Variants in LRRFIP2 observed in about 807,000 individuals in gnomAD.
LRRFIP2 encodes LRR binding FLII interacting protein 2, also known as leucine-rich repeat flightless-interacting protein 2.
A neutral mutation model predicts 125.9 loss-of-function variants in LRRFIP2; 109 were observed. That is an observed-to-expected ratio of 0.87 (90% CI 0.74 to 1.01). The LOEUF (loss-of-function observed/expected upper bound fraction) is 1.01, where lower values mean the gene tolerates loss of function less well. LRRFIP2 is among the 50% of genes least tolerant of loss of function. The probability of loss-of-function intolerance (pLI) is 0.00; values close to 1 mark genes in which losing one functional copy is unlikely to be tolerated. For synonymous variants in LRRFIP2, 291 were observed against 293.1 expected, an observed-to-expected ratio of 0.99 and a Z score of 0.07; for missense variants, 850 against 862.3, an observed-to-expected ratio of 0.99 and a Z score of 0.18.
chr3:37,059,671 C>G (rs1237257284), intron 24 of LRRFIP2, among the ~76,000 whole-genome samples: 1 of 151,798 alleles, frequency 6.6e-6, no homozygotes, highest in Admixed American at 6.6e-5. Context: ...CATGTAGTCC[C>G]AACTACTCCA....
rs139151890 is a variant in LRRFIP2 at position 37,058,876 on chromosome 3, C to T, written c.1784G>A (p.Arg595Gln). Residue 595 changes from arginine to glutamine, a missense_variant, in exon 25 of 28, where the codon CGA becomes CAA. Transcript: ENST00000336686. Reference protein sequence around the residue: ...RKLKLQLEEERQKCSRNDGTV... With the variant: ...RKLKLQLEEEQQKCSRNDGTV... The stretch of plus-strand genomic sequence containing the variant: ...GCCATCATTCCTGGAGCATTTCTGT[C>T]GTTCCTCCTCTAACTGAAGCTTCAG... The T allele has an allele frequency of 1.1e-4, 182 of 1,613,922 alleles. No homozygotes were observed. The highest frequency in any genetic ancestry group is 1.1e-3 in the East Asian group (50 of 44,864).
At chr3:37,093,418 A>G in intron 17 of LRRFIP2, among the ~76,000 whole-genome samples, 1 of 152,152 alleles carries the variant, frequency 6.6e-6, no homozygotes, top group Non-Finnish European at 1.5e-5. Flanking sequence ...GGTTCAACCC[A>G]ACCAAAGAAA....
intron 2 of LRRFIP2, among the ~76,000 whole-genome samples, chr3:37,144,646 C>G (rs1216243195): frequency 6.6e-6 from 1 of 152,092 alleles, no homozygotes; most frequent in Admixed American, 6.5e-5. Flanking sequence ...GAAGAAAATC[C>G]TCTAGCTTTA....
chr3:37,161,878 A>G (rs1489957748), intron 1 of LRRFIP2, among the ~76,000 whole-genome samples: 3 of 151,952 alleles, frequency 2.0e-5, no homozygotes, highest in Admixed American at 2.0e-4. Flanking sequence ...CTAACGTTCA[A>G]ATAACTGGAG....
chr3:37,141,027 T>TA (rs1195247008), intron 2 of LRRFIP2, among the ~76,000 whole-genome samples: 3 of 152,020 alleles, frequency 2.0e-5, no homozygotes, highest in Non-Finnish European at 4.4e-5. Context: ...CTACAAAAAA[T>TA]ACAAAAATTA....
At chr3:37,062,359 T>G (rs2088989031) in intron 24 of LRRFIP2, among the ~76,000 whole-genome samples, 1 of 152,144 alleles carries the variant, frequency 6.6e-6, no homozygotes, top group Non-Finnish European at 1.5e-5. Context: ...CAACATTTGT[T>G]GAATGACTGA....
chr3:37,071,907 T>C lies in LRRFIP2; in HGVS notation c.1464+883A>G, dbSNP rs182956021. Among the ~76,000 whole-genome samples the C allele has an allele frequency of 9.8e-4, 149 of 152,252 alleles. 4 individuals carry two copies. In the East Asian group the frequency reaches 0.021, roughly 21 times the overall value. On this transcript the variant is annotated intron_variant, in intron 21 of 27. Transcript: ENST00000336686. Reference sequence around the variant, plus strand: ...AATTTTTTCCAGCTTTTGGTGTACATGGAATCTACCTGCAAGGCTTAGCAA... The same window carrying C: ...AATTTTTTCCAGCTTTTGGTGTACACGGAATCTACCTGCAAGGCTTAGCAA...
Position 37,092,270 on chromosome 3 carries a change from G to T in LRRFIP2, c.1036-732C>A, listed in dbSNP as rs1219240459. ...TATATAAGGTCTATTCTGAATGCTC[G>T]ATTTATGTCCGAAATAACTGCACAG... On this transcript the variant is annotated intron_variant, in intron 17 of 27. Coordinates refer to ENST00000336686, the MANE Select transcript of LRRFIP2 (RefSeq NM_006309.4). 6.6e-5 allele frequency among the ~76,000 whole-genome samples: 10 copies of T among 152,220 alleles called. No individual in the cohort carries two copies. The East Asian group carries it at 1.7e-3, about 26-fold the overall frequency.
chr3:37,080,224 C>T (rs1288549210), intron 19 of LRRFIP2, among the ~76,000 whole-genome samples: 1 of 151,814 alleles, frequency 6.6e-6, no homozygotes. Flanking sequence ...AAGTGAAACC[C>T]CATCTCTACT....
intron 15 of LRRFIP2, among the ~76,000 whole-genome samples, chr3:37,101,802 G>C (rs1236365981): frequency 6.6e-6 from 1 of 152,108 alleles, no homozygotes; most frequent in African/African-American, 2.4e-5. Context: ...GCCAGCAAGA[G>C]AGGAGAAGCG....
rs1394252562 is a variant in LRRFIP2 at position 37,121,972 on chromosome 3, G to A, written c.229-281C>T. Among the ~76,000 whole-genome samples the A allele has an allele frequency of 2.0e-5, 3 of 151,320 alleles. No homozygotes were observed. The South Asian group carries it at 6.3e-4, about 32-fold the overall frequency. The stretch of plus-strand genomic sequence containing the variant: ...CTATGGTACATGTGCACAACGTGCA[G>A]GTTTGTAACATATGTATACATGTGC... On this transcript the variant is annotated intron_variant, in intron 4 of 27. Coordinates refer to ENST00000336686, the MANE Select transcript of LRRFIP2 (RefSeq NM_006309.4).
intron 2 of LRRFIP2, among the ~76,000 whole-genome samples, chr3:37,145,190 C>A (rs2095825436): frequency 6.6e-6 from 1 of 152,146 alleles, no homozygotes; most frequent in Admixed American, 6.6e-5. Context: ...TTTTTCTGAG[C>A]ATAAACACCA....
chr3:37,055,891 A>G (rs1159191734), intron 25 of LRRFIP2, among the ~76,000 whole-genome samples: 1 of 152,112 alleles, frequency 6.6e-6, no homozygotes, highest in Non-Finnish European at 1.5e-5. Context: ...CTGCTGTCCA[A>G]TACTGTAAGG....
chr3:37,161,196 A>AAAAAAG (rs1485667899), intron 1 of LRRFIP2, among the ~76,000 whole-genome samples: 1 of 151,356 alleles, frequency 6.6e-6, no homozygotes, highest in Non-Finnish European at 1.5e-5. Flanking sequence ...AAAAAAAAAA[A>AAAAAAG]AAAGCAAAGA....
chr3:37,065,673 G>A (rs1416229299), intron 23 of LRRFIP2, 137 bp downstream of exon 23: 1 of 1,053,488 alleles, frequency 9.5e-7, no homozygotes, highest in Non-Finnish European at 1.5e-6. Context: ...GTGCCAATGT[G>A]CCCAGATTCT....
chr3:37,164,716 G>A (rs1175941172), intron 1 of LRRFIP2, among the ~76,000 whole-genome samples: 2 of 144,810 alleles, frequency 1.4e-5, no homozygotes, highest in Admixed American at 6.9e-5. Context: ...AAAAGACTCC[G>A]TCTCAAAAAA....
chr3:37,158,898 C>T (rs2096266807), intron 1 of LRRFIP2, among the ~76,000 whole-genome samples: 2 of 152,124 alleles, frequency 1.3e-5, no homozygotes, highest in African/African-American at 4.8e-5. Context: ...ATTTATATAG[C>T]ACTGTCACTG....
chr3:37,088,672 C>T (rs2093241295), intron 18 of LRRFIP2, among the ~76,000 whole-genome samples: 1 of 152,014 alleles, frequency 6.6e-6, no homozygotes, highest in Admixed American at 6.6e-5. Flanking sequence ...ATCAGCCAGG[C>T]ATGGTGGTGC....
In LRRFIP2 at chr3:37,108,214, C is replaced by A. The variant is rs116743332; in HGVS notation, c.658-85G>T. 1.5e-3 allele frequency: 1,629 copies of A among 1,074,338 alleles called. 19 individuals are homozygous for A. In the African/African-American group the frequency reaches 0.022, roughly 15 times the overall value. The allele number at this position is 1,074,338 out of a possible 1,614,324, so 66.6% of individuals were successfully genotyped here. On this transcript the variant is annotated intron_variant, in intron 12 of 27. Coordinates refer to ENST00000336686, the MANE Select transcript of LRRFIP2 (RefSeq NM_006309.4). ...AATACATTAGGGACCATTTACCTAA[C>A]TTGCCCCTGGTTCTCAAGATAAAGG...
Sources: gnomAD v4.1 joint callset for allele counts (sites outside exome capture counted in the v4.1 genomes callset) on GRCh38, gnomAD v4.1.1 for gene constraint, MANE v1.5 for transcripts, NCBI Gene and HGNC (gene_info 2026-07-23, HGNC 2026-07-21) for gene names.